Variants in COL4A3 observed in about 807,000 individuals in gnomAD.
COL4A3 encodes collagen alpha-3(IV) chain.
In COL4A3, 135 loss-of-function variants were observed where a neutral mutation model predicts 217.4. That is an observed-to-expected ratio of 0.62 (90% confidence interval 0.54 to 0.72). The LOEUF is 0.72. COL4A3 is among the 30% of genes least tolerant of loss of function. The probability of loss-of-function intolerance (pLI) is 0.00; values close to 1 mark genes in which losing one functional copy is unlikely to be tolerated. For missense variants in COL4A3, 1,868 were observed against 2,119.9 expected (o/e 0.88, Z 2.33); for synonymous variants, 690 against 736.3 (o/e 0.94, Z 1.02).
chr2:227,249,230 A>ATATATTTTTTTTTTTTTTTTT, intron 9 of COL4A3, among the ~76,000 whole-genome samples: 1 of 14,690 alleles, frequency 6.8e-5, no homozygotes, highest in African/African-American at 2.7e-4. Flanking sequence ...ATATATATAT[A>ATATATTTTTTTTTTTTTTTTT]TTTTTTTTTT....
intron 1 of COL4A3, among the ~76,000 whole-genome samples, chr2:227,213,237 T>C (rs1330110325): frequency 6.6e-6 from 1 of 152,020 alleles, no homozygotes; most frequent in Non-Finnish European, 1.5e-5. Context: ...TGTATAAGAG[T>C]GTGGAGATCC....
intron 1 of COL4A3, among the ~76,000 whole-genome samples, chr2:227,235,772 CTTTTTTT>C (rs201024233): frequency 0.069 from 8,446 of 122,470 alleles, 503 homozygotes; most frequent in East Asian, 0.32. Context: ...TATTTCATTC[CTTTTTTT>C]TTTTTTTTTT....
rs374007864 is a variant in COL4A3, at chr2:227,213,175, T to C, written c.88-24793T>C. On this transcript the variant is annotated intron_variant, in intron 1 of 51. Transcript: ENST00000396578. ...ATTAAGTTTCTTAGGATGCCTTAAA[T>C]AGCTGAAGCGTAGGCTGAAACATAA... Among the ~76,000 whole-genome samples the C allele has an allele frequency of 1.1e-4, 16 of 152,318 alleles. No homozygotes were observed. In the East Asian group the frequency reaches 2.1e-3, roughly 20 times the overall value.
chr2:227,295,965 T>C (rs2073010370), intron 41 of COL4A3, among the ~76,000 whole-genome samples: 1 of 152,216 alleles, frequency 6.6e-6, no homozygotes, highest in Non-Finnish European at 1.5e-5. Flanking sequence ...TCAGATTGTT[T>C]GCACATTTCA....
intron 6 of COL4A3, 48 bp from the exon 7 acceptor site, chr2:227,246,637 C>T: frequency 6.9e-7 from 1 of 1,449,246 alleles, no homozygotes; most frequent in Non-Finnish European, 9.7e-7. Context: ...TCTGAATAGG[C>T]TCTTCTAGAA....
chr2:227,222,722 G>C (rs9631012), intron 1 of COL4A3, among the ~76,000 whole-genome samples: 12,830 of 152,190 alleles, frequency 0.084, 833 homozygotes, highest in African/African-American at 0.18. Context: ...GCCAAGCAAG[G>C]TCAGAGGCAG....
intron 1 of COL4A3, among the ~76,000 whole-genome samples, chr2:227,236,943 G>A (rs2068737919): frequency 6.6e-6 from 1 of 152,216 alleles, no homozygotes. Flanking sequence ...TGACAGGCAT[G>A]AGCCACTGTG....
chr2:227,206,291 C>A (rs2067098829), intron 1 of COL4A3, among the ~76,000 whole-genome samples: 1 of 152,102 alleles, frequency 6.6e-6, no homozygotes, highest in Non-Finnish European at 1.5e-5. Context: ...CCAGGCTGGT[C>A]TCAACTCCTG....
At position 227,251,263 on chromosome 2, in the gene COL4A3, TA is replaced by T. The variant is rs2125924843; in HGVS notation, c.609+66del. ...AACTAATAGATTCATTATTTATTAT[TA>T]AAAAGTTATTAAAAGAATTTTTCTG... On this transcript the variant is annotated intron_variant, in intron 10 of 51. Coordinates refer to ENST00000396578, the MANE Select transcript of COL4A3 (RefSeq NM_000091.5). 2.5e-6 allele frequency: 4 copies of T among 1,584,130 alleles called. No individual in the cohort carries two copies. The South Asian group carries it at 4.5e-5, about 18-fold the overall frequency.
rs2073386711 is a variant in COL4A3 at position 227,303,723 on chromosome 2, C to T, written c.3956-136C>T. ...CTATGTGAACAAAATGAAATTGTAG[C>T]CCTTGTGACAGAACCCATAGGACAG... On this transcript the variant is annotated intron_variant, in intron 44 of 51. Coordinates refer to ENST00000396578, the MANE Select transcript of COL4A3 (RefSeq NM_000091.5). 2.2e-5 allele frequency: 18 copies of T among 827,328 alleles called. No individual in the cohort carries two copies. In the South Asian group the frequency reaches 2.5e-4, roughly 12 times the overall value. The allele number at this position is 827,328 out of a possible 1,614,324, so 51.2% of individuals were successfully genotyped here.
At chr2:227,192,850 T>C (rs1470599133) in intron 1 of COL4A3, among the ~76,000 whole-genome samples, 10 of 152,182 alleles carry the variant, frequency 6.6e-5, no homozygotes, top group Non-Finnish European at 1.5e-4. Context: ...TTTTGTTTTG[T>C]TTTTACATTT....
In COL4A3 at chr2:227,237,827, T is replaced by C; in HGVS notation, c.88-141T>C. The C allele has an allele frequency of 5.7e-6, 4 of 703,926 alleles. No individual in the cohort carries two copies. The Middle Eastern group carries it at 7.5e-4, about 132-fold the overall frequency. The allele number at this position is 703,926 out of a possible 1,614,324, so 43.6% of individuals were successfully genotyped here. ...TCATATATTGATATATTTCTATTGA[T>C]ATATTGCTACAAGGTCACCTGGCTC... is the stretch of plus-strand genomic sequence containing the variant. On this transcript the variant is annotated intron_variant, in intron 1 of 51. Coordinates refer to ENST00000396578, the MANE Select transcript of COL4A3 (RefSeq NM_000091.5).
intron 1 of COL4A3, among the ~76,000 whole-genome samples, chr2:227,174,498 G>GATTATT (rs10603964): frequency 1.7e-3 from 253 of 150,546 alleles, no homozygotes; most frequent in Middle Eastern, 3.5e-3. Flanking sequence ...TTAGTCTAGT[G>GATTATT]ATTATTATTA....
chr2:227,279,751 A>G (rs1013622913), intron 28 of COL4A3, 42 bp from the exon 29 acceptor site: 9 of 1,358,864 alleles, frequency 6.6e-6, no homozygotes, highest in Non-Finnish European at 9.3e-6. Context: ...ATATTTCAAT[A>G]AGACTAATCC....
chr2:227,289,887 C>G, intron 35 of COL4A3, 112 bp from the exon 36 acceptor site: 1 of 1,042,438 alleles, frequency 9.6e-7, no homozygotes, highest in East Asian at 2.6e-5. Context: ...GTGCCCAAAC[C>G]AGCCGGTCTG....
rs1473607802 is a variant in COL4A3 at position 227,297,787 on chromosome 2, C to G, written c.3679C>G (p.Pro1227Ala). The change falls in exon 42 of 52, where the codon CCA becomes GCA. Residue 1227 changes from proline (P) to alanine (A), a missense_variant. Physicochemically the swap from Pro to Ala is conservative, Grantham distance 27. This residue lies in a region of COL4A3 where 1,503 missense variants were observed against 1,786.1 expected (regional missense o/e 0.84). Transcript: ENST00000396578. ...AGGCATAGAAGGATTCCCAGGGCCA[C>G]CAGGTCTGCCCGGTGCAATTATCCC... ...PTGIEGFPGP[P>A]GLPGAIIPGQ... 10 of 1,579,296 alleles carry G rather than the reference C, an allele frequency of 6.3e-6. No individual in the cohort carries two copies. Among genetic ancestry groups the G allele is most frequent in the African/African-American group, 1.3e-5 (1 of 74,516 alleles).
At chr2:227,276,547 T>C in intron 27 of COL4A3, 70 bp downstream of exon 27, 1 of 1,169,114 alleles carries the variant, frequency 8.6e-7, no homozygotes, top group Non-Finnish European at 1.3e-6. Context: ...CTTGGAAAAA[T>C]ACTGTCCCCA....
At chr2:227,257,485 G>T (rs530026863) in intron 17 of COL4A3, 118 bp from the exon 18 acceptor site, 2 of 836,382 alleles carry the variant, frequency 2.4e-6, no homozygotes, top group South Asian at 2.8e-5. Flanking sequence ...ACTTTAATTT[G>T]GTTTGTACAT....
Position 227,295,294 on chromosome 2 carries a change from A to G in COL4A3, c.3543A>G (p.Pro1181=). 1 of 1,614,202 alleles carries G rather than the reference A, an allele frequency of 6.2e-7. No individual in the cohort carries two copies. Among genetic ancestry groups the G allele is most frequent in the Non-Finnish European group, 8.5e-7 (1 of 1,180,020 alleles). Residue 1181 remains proline, a synonymous_variant, in exon 41 of 52, where the codon CCA becomes CCG. Coordinates refer to ENST00000396578, the MANE Select transcript of COL4A3 (RefSeq NM_000091.5). ...GTTTATTGAGGGCCCCTCCAGGCCCAAGAGGGAACCCTGGTGCTCAAGGTA... is the reference window on the plus strand; with the variant it reads ...GTTTATTGAGGGCCCCTCCAGGCCCGAGAGGGAACCCTGGTGCTCAAGGTA... ...ETGLLRAPPG[P]RGNPGAQGAK... is the part of the protein sequence containing the mutation.
Sources: allele counts gnomAD v4.1 joint callset (sites outside exome capture counted in the v4.1 genomes callset), GRCh38; gene constraint gnomAD v4.1.1; regional missense constraint gnomAD v4.1.1; transcripts MANE v1.5; gene names NCBI Gene and HGNC (gene_info 2026-07-23, HGNC 2026-07-21).